GRID2: variants seen among roughly 807,000 people sequenced by gnomAD.
GRID2 encodes glutamate receptor ionotropic, delta-2.
GRID2 carries 33 observed loss-of-function variants against 114.8 expected under a neutral mutation model. That is an observed-to-expected ratio of 0.29 (90% CI 0.22 to 0.38). The LOEUF (loss-of-function observed/expected upper bound fraction) is 0.38, where lower values mean the gene tolerates loss of function less well. Ranked by LOEUF, GRID2 falls within the 10% of genes least tolerant of loss-of-function variation. The pLI, the probability that GRID2 is intolerant of heterozygous loss-of-function variation, is 1.00. For synonymous variants in GRID2, 505 were observed against 449.9 expected, an observed-to-expected ratio of 1.12 and a Z score of -1.55; for missense variants, 1,184 against 1,257.7, an observed-to-expected ratio of 0.94 and a Z score of 0.89.
intron 13 of GRID2, among the ~76,000 whole-genome samples, chr4:93,612,426 G>T (rs911857370): frequency 7.1e-6 from 1 of 141,006 alleles, no homozygotes; most frequent in South Asian, 2.4e-4. Context: ...TTACATTTTG[G>T]CATGATTTTG....
intron 2 of GRID2, among the ~76,000 whole-genome samples, chr4:93,057,859 C>T (rs897148265): frequency 6.6e-6 from 1 of 151,814 alleles, no homozygotes; most frequent in African/African-American, 2.4e-5. Context: ...TAGGCAATTC[C>T]GTCAAAGTTT....
At chr4:92,654,029 G>A (rs1425310986) in intron 2 of GRID2, among the ~76,000 whole-genome samples, 1 of 152,124 alleles carries the variant, frequency 6.6e-6, no homozygotes, top group Non-Finnish European at 1.5e-5. Context: ...TATCCAGAAA[G>A]TTTATATAGT....
chr4:93,192,981 A>G (rs1321290466), intron 4 of GRID2, among the ~76,000 whole-genome samples: 2 of 152,164 alleles, frequency 1.3e-5, no homozygotes, highest in Non-Finnish European at 2.9e-5. Flanking sequence ...GAAAAGCAAA[A>G]CAACAACAAA....
intron 2 of GRID2, among the ~76,000 whole-genome samples, chr4:93,007,224 T>C (rs1185665964): frequency 6.6e-6 from 1 of 151,994 alleles, no homozygotes; most frequent in Non-Finnish European, 1.5e-5. Context: ...GAAAAAATTA[T>C]AAAGGTTATA....
intron 13 of GRID2, among the ~76,000 whole-genome samples, chr4:93,621,126 A>T (rs1413389516): frequency 1.3e-5 from 2 of 152,200 alleles, no homozygotes; most frequent in African/African-American, 4.8e-5. Context: ...GATTGTTAGT[A>T]AAATTGAATT....
At chr4:93,810,058 G>A (rs1735102785) in exon 2 of GRID2, 1 of 152,182 alleles carries the variant, frequency 6.6e-6, no homozygotes, top group African/African-American at 2.4e-5. Flanking sequence ...AGAATAGACA[G>A]ATCCAAGCTG....
intron 1 of GRID2, among the ~76,000 whole-genome samples, chr4:92,402,687 T>G (rs181958396): frequency 6.6e-6 from 1 of 152,308 alleles, no homozygotes; most frequent in East Asian, 1.9e-4. Flanking sequence ...GCTTTGTTGT[T>G]CCATTTATAG....
intron 2 of GRID2, among the ~76,000 whole-genome samples, chr4:92,932,236 A>C (rs551999716): frequency 6.6e-6 from 1 of 151,566 alleles, no homozygotes; most frequent in African/African-American, 2.4e-5. Flanking sequence ...CAACACATTA[A>C]AAAATGGTCA....
intron 2 of GRID2, among the ~76,000 whole-genome samples, chr4:92,823,792 A>C (rs910408449): frequency 6.6e-6 from 1 of 152,156 alleles, no homozygotes; most frequent in Non-Finnish European, 1.5e-5. Flanking sequence ...CATGGATACA[A>C]AAATGGCCAC....
In GRID2 at chr4:93,294,640, C is replaced by A. The variant is rs947462326; in HGVS notation, c.1245+56150C>A. 2.6e-5 allele frequency among the ~76,000 whole-genome samples: 4 copies of A among 151,668 alleles called. No homozygotes were observed. The East Asian group carries it at 5.9e-4, about 22-fold the overall frequency. On this transcript the variant is annotated intron_variant, in intron 8 of 15. Coordinates refer to ENST00000282020, the MANE Select transcript of GRID2 (RefSeq NM_001510.4). ...GTGGTGTGATCTCGGCTCACTGTAA[C>A]CTCCACCTCTCAGGTTCAAACAATT...
chr4:92,498,786 A>G (rs1433360519), intron 1 of GRID2, among the ~76,000 whole-genome samples: 1 of 151,882 alleles, frequency 6.6e-6, no homozygotes, highest in Non-Finnish European at 1.5e-5. Flanking sequence ...TTCCTTCAGA[A>G]TGTCCTCCAA....
chr4:93,258,397 A>T (rs1172962272), intron 8 of GRID2, among the ~76,000 whole-genome samples: 1 of 151,738 alleles, frequency 6.6e-6, no homozygotes, highest in Non-Finnish European at 1.5e-5. Flanking sequence ...TCTCCCAAAA[A>T]GCTAATGAAA....
At chr4:93,486,583 T>C (rs1328815899) in intron 11 of GRID2, among the ~76,000 whole-genome samples, 1 of 151,772 alleles carries the variant, frequency 6.6e-6, no homozygotes, top group African/African-American at 2.4e-5. Flanking sequence ...GATGTTGAAC[T>C]TTATCTGTAC....
At chr4:93,384,928 A>G (rs1764179217) in intron 8 of GRID2, among the ~76,000 whole-genome samples, 1 of 152,210 alleles carries the variant, frequency 6.6e-6, no homozygotes. Flanking sequence ...ATAAATCCAC[A>G]AGGAAAAAAT....
intron 2 of GRID2, among the ~76,000 whole-genome samples, chr4:92,675,613 C>A (rs1027405773): frequency 2.0e-5 from 3 of 150,028 alleles, no homozygotes; most frequent in Admixed American, 6.7e-5. Flanking sequence ...TGCAGAGGCA[C>A]GATCTTGGCT....
chr4:93,739,951 T>C (rs1172596119), intron 14 of GRID2, among the ~76,000 whole-genome samples: 1 of 152,140 alleles, frequency 6.6e-6, no homozygotes, highest in Non-Finnish European at 1.5e-5. Flanking sequence ...CTGCCTCTTG[T>C]TCAGGCAGGA....
At chr4:92,476,320 C>T (rs1441289924) in intron 1 of GRID2, among the ~76,000 whole-genome samples, 1 of 152,014 alleles carries the variant, frequency 6.6e-6, no homozygotes, top group Non-Finnish European at 1.5e-5. Context: ...CAACTGCACC[C>T]GGCTGAAATT....
chr4:93,527,732 A>G (rs1456067630), intron 13 of GRID2, among the ~76,000 whole-genome samples: 13 of 152,130 alleles, frequency 8.5e-5, no homozygotes, highest in Non-Finnish European at 5.9e-5. Flanking sequence ...AAAATTCACC[A>G]TCTTAACCAT....
chr4:93,004,131 G>A (rs1430601419), intron 2 of GRID2, among the ~76,000 whole-genome samples: 2 of 151,694 alleles, frequency 1.3e-5, no homozygotes, highest in Non-Finnish European at 2.9e-5. Context: ...TCAAATATTA[G>A]ACATATCACA....
Sources: allele counts gnomAD v4.1 joint callset (sites outside exome capture counted in the v4.1 genomes callset), GRCh38; gene constraint gnomAD v4.1.1; transcripts MANE v1.5; gene names NCBI Gene and HGNC (gene_info 2026-07-23, HGNC 2026-07-21).